The following LBR variants were observed in gnomAD, a reference collection of about 807,000 sequenced individuals.
The protein encoded by LBR is lamin B receptor.
Under a neutral mutation model 74.3 loss-of-function variants are expected in LBR, and 28 were observed. The ratio of observed to expected loss-of-function variants is 0.38; its 90% CI spans 0.28 to 0.52. The LOEUF is 0.52. Ranked by LOEUF, LBR falls within the 20% of genes least tolerant of loss-of-function variation. The pLI, the probability that LBR is intolerant of heterozygous loss-of-function variation, is 0.89. For synonymous variants in LBR, 228 were observed against 269.3 expected, an observed-to-expected ratio of 0.85 and a Z score of 1.50; for missense variants, 717 against 760.3, an observed-to-expected ratio of 0.94 and a Z score of 0.67.
chr1:225,414,310 G>GT (rs1329965557), intron 7 of LBR: 4 of 352,234 alleles, frequency 1.1e-5, no homozygotes, highest in East Asian at 7.4e-5. Flanking sequence ...TAGATGCTGC[G>GT]TAAGTCTCTA....
chr1:225,410,486 A>C (rs2096102605), intron 9 of LBR, 70 bp from the exon 10 acceptor site: 3 of 1,543,118 alleles, frequency 1.9e-6, no homozygotes, highest in Admixed American at 3.4e-5. Context: ...CAAAGGCATG[A>C]GTGAGCTTCA....
Position 225,410,298 on chromosome 1 carries a change from C to A in LBR, c.1307G>T (p.Trp436Leu), listed in dbSNP as rs1558651704. 1 of 1,614,110 alleles carries A rather than the reference C, an allele frequency of 6.2e-7. No individual in the cohort carries two copies. The highest frequency in any genetic ancestry group is 8.5e-7 in the Non-Finnish European group (1 of 1,180,006). The change falls in exon 10 of 14, where the codon TGG becomes TTG. Residue 436 changes from tryptophan to leucine, a missense_variant. Transcript: ENST00000272163. ...GCTCTTAAAATTAATTACCTCATTC[C>A]AGAGAGCATCCACCACATAGAGAAG... ...FQLLYVVDAL[W>L]NEEALLTTMD...
At chr1:225,412,323 T>C (rs2096107579) in intron 8 of LBR, 131 bp downstream of exon 8, 4 of 803,528 alleles carry the variant, frequency 5.0e-6, no homozygotes, top group African/African-American at 3.5e-5. Flanking sequence ...TTCTTCATCT[T>C]TTCATTTTTT....
At chr1:225,407,554 A>C (rs1376674448) in intron 10 of LBR, among the ~76,000 whole-genome samples, 1 of 152,224 alleles carries the variant, frequency 6.6e-6, no homozygotes, top group African/African-American at 2.4e-5. Flanking sequence ...AGCATGAGCC[A>C]GATCGCCTCT....
chr1:225,411,547 G>C, intron 8 of LBR, 107 bp from the exon 9 acceptor site: 1 of 825,688 alleles, frequency 1.2e-6, no homozygotes, highest in East Asian at 2.6e-5. Context: ...CTGCCTGCAA[G>C]ACCCTGAGCA....
intron 10 of LBR, 109 bp downstream of exon 10, chr1:225,410,182 G>C (rs1404392128): frequency 6.5e-7 from 1 of 1,535,672 alleles, no homozygotes; most frequent in Non-Finnish European, 8.9e-7. Flanking sequence ...CAGCCTTGGA[G>C]GCAGGCCATG....
intron 10 of LBR, among the ~76,000 whole-genome samples, chr1:225,408,522 T>C (rs969960977): frequency 9.8e-5 from 15 of 152,364 alleles, no homozygotes; most frequent in Admixed American, 3.3e-4. Flanking sequence ...GGAAGGGTCA[T>C]GCATATTTAA....
In LBR at chr1:225,404,387, T is replaced by C; in HGVS notation, c.1687+17A>G. The C allele has an allele frequency of 6.2e-7, 1 of 1,613,676 alleles. No homozygotes were observed. Among genetic ancestry groups the C allele is most frequent in the Non-Finnish European group, 8.5e-7 (1 of 1,179,982 alleles). On this transcript the variant is annotated intron_variant, in intron 13 of 13. Transcript: ENST00000272163. ...GCGGCTAAAAGGGTCAAACTAGCACTCTTCTGAAATGCTTACCACATGGGA... is the reference window on the plus strand; with the variant it reads ...GCGGCTAAAAGGGTCAAACTAGCACCCTTCTGAAATGCTTACCACATGGGA...
At position 225,410,428 on chromosome 1, in the gene LBR, G is replaced by C; in HGVS notation, c.1189-12C>G. On this transcript the variant is annotated splice_polypyrimidine_tract_variant and intron_variant, in intron 9 of 13. Coordinates refer to ENST00000272163, the MANE Select transcript of LBR (RefSeq NM_002296.4). ...AAGTTAATAACCACCTGAAACAAAA[G>C]GGGAAAGTATATAGCCTCAAAGCAC... 1 of 1,613,812 alleles carries C rather than the reference G, an allele frequency of 6.2e-7. No homozygotes were observed. The highest frequency in any genetic ancestry group is 8.5e-7 in the Non-Finnish European group (1 of 1,179,882).
intron 1 of LBR, among the ~76,000 whole-genome samples, chr1:225,426,108 C>T (rs1382526233): frequency 1.3e-5 from 2 of 152,178 alleles, no homozygotes; most frequent in Non-Finnish European, 2.9e-5. Context: ...TTAAGATTTG[C>T]TTGAAAAACA....
chr1:225,415,210 A>G, intron 7 of LBR, 68 bp downstream of exon 7: 1 of 1,066,242 alleles, frequency 9.4e-7, no homozygotes, highest in South Asian at 1.4e-5. Flanking sequence ...CAGCTTTAAC[A>G]AAGAGTTTAA....
intron 13 of LBR, 106 bp from the exon 14 acceptor site, chr1:225,403,569 C>T: frequency 1.2e-6 from 1 of 828,550 alleles, no homozygotes; most frequent in Non-Finnish European, 2.0e-6. Flanking sequence ...CAAGGTACTT[C>T]ATTTTCTCTA....
At chr1:225,420,241 G>A (rs536239147) in intron 3 of LBR, among the ~76,000 whole-genome samples, 42 of 151,824 alleles carry the variant, frequency 2.8e-4, no homozygotes, top group Admixed American at 7.2e-4. Context: ...ACCCGGAGAC[G>A]GAGGTTGCAT....
chr1:225,404,313 A>C, intron 13 of LBR, 91 bp downstream of exon 13: 1 of 1,576,022 alleles, frequency 6.3e-7, no homozygotes, highest in Non-Finnish European at 8.7e-7. Flanking sequence ...ACTCACACCC[A>C]CCTTGGCCAC....
chr1:225,415,770 C>T (rs540352982), intron 6 of LBR, among the ~76,000 whole-genome samples: 1 of 152,218 alleles, frequency 6.6e-6, no homozygotes, highest in South Asian at 2.1e-4. Flanking sequence ...TTGGGCTCTA[C>T]CCTGTTTATC....
intron 1 of LBR, among the ~76,000 whole-genome samples, chr1:225,426,375 G>A (rs1033335347): frequency 2.0e-5 from 3 of 152,206 alleles, no homozygotes; most frequent in Non-Finnish European, 4.4e-5. Context: ...ATACACACAG[G>A]ATTTTCTTAC....
At chr1:225,406,954 T>C (rs1005380820) in intron 10 of LBR, 122 bp from the exon 11 acceptor site, 67 of 900,960 alleles carry the variant, frequency 7.4e-5, no homozygotes, top group Non-Finnish European at 8.8e-5. Flanking sequence ...AACATTTTTT[T>C]GTTAAAGGGG....
intron 7 of LBR, among the ~76,000 whole-genome samples, chr1:225,414,406 G>A (rs2096112971): frequency 1.3e-5 from 2 of 152,296 alleles, no homozygotes; most frequent in South Asian, 4.1e-4. Context: ...CTCAAGAAAA[G>A]GAAAACACTC....
chr1:225,403,775 T>C (rs1349378742), intron 13 of LBR, among the ~76,000 whole-genome samples: 1 of 152,200 alleles, frequency 6.6e-6, no homozygotes, highest in African/African-American at 2.4e-5. Context: ...GAAAAACTGC[T>C]GTCTTCCACC....
Sources: gnomAD v4.1 joint callset for allele counts (sites outside exome capture counted in the v4.1 genomes callset) on GRCh38, gnomAD v4.1.1 for gene constraint, MANE v1.5 for transcripts, NCBI Gene and HGNC (gene_info 2026-07-23, HGNC 2026-07-21) for gene names.